TMPO: variants seen among roughly 807,000 people sequenced by gnomAD.
The protein encoded by TMPO is thymopoietin, also known as LEM domain containing 4.
A neutral mutation model predicts 45.4 loss-of-function variants in TMPO; 22 were observed. The ratio of observed to expected loss-of-function variants is 0.48; its 90% confidence interval spans 0.35 to 0.69. The LOEUF (loss-of-function observed/expected upper bound fraction) is 0.69. Among genes scored for constraint, TMPO ranks in the 30% least tolerant of loss-of-function variants. TMPO has a pLI of 0.01. For missense variants in TMPO, 512 were observed against 548.8 expected, an observed-to-expected ratio of 0.93 and a Z score of 0.67; for synonymous variants, 241 against 204.1, an observed-to-expected ratio of 1.18 and a Z score of -1.54.
chr12:98,532,490 ATATTT>A (rs1877261949), intron 3 of TMPO, among the ~76,000 whole-genome samples: 2 of 95,324 alleles, frequency 2.1e-5, no homozygotes, highest in South Asian at 6.1e-4. Flanking sequence ...TATTTTGACT[ATATTT>A]TTAGTAGACT....
intron 4 of TMPO, among the ~76,000 whole-genome samples, chr12:98,540,798 A>G (rs1877871000): frequency 6.6e-6 from 1 of 152,250 alleles, no homozygotes; most frequent in African/African-American, 2.4e-5. Flanking sequence ...TTTCTTTCAC[A>G]AGAATACTTA....
At position 98,531,808 on chromosome 12, in the gene TMPO, G is replaced by A. The variant is rs1188981245; in HGVS notation, c.535G>A (p.Asp179Asn). The stretch of plus-strand genomic sequence containing the variant: ...AAATACAAGGCAGAATGGAAGTAAT[G>A]ATTCTGACAGATACAGTGACAATGA... ...AENTRQNGSN[D>N]SDRYSDNEED... The change falls in exon 3 of 9, where the codon GAT (aspartate) becomes AAT (asparagine). Residue 179 changes from aspartate (D) to asparagine (N), a missense_variant. Coordinates refer to ENST00000556029, the MANE Select transcript of TMPO (RefSeq NM_001032283.3). 2.5e-6 allele frequency: 4 copies of A among 1,613,690 alleles called. No individual in the cohort carries two copies. The highest frequency in any genetic ancestry group is 3.4e-6 in the Non-Finnish European group (4 of 1,179,826).
intron 1 of TMPO, 131 bp downstream of exon 1, chr12:98,516,277 C>G (rs1875807061): frequency 8.0e-7 from 1 of 1,247,856 alleles, no homozygotes; most frequent in Non-Finnish European, 1.0e-6. Flanking sequence ...CCTGCGCCCC[C>G]TCGCGTCGCC....
intron 2 of TMPO, among the ~76,000 whole-genome samples, chr12:98,531,395 C>T (rs1235932469): frequency 6.6e-6 from 1 of 151,804 alleles, no homozygotes; most frequent in Admixed American, 6.6e-5. Context: ...TGCCACCATG[C>T]CCGGCTAATT....
At chr12:98,540,931 T>C (rs1012988113) in intron 4 of TMPO, among the ~76,000 whole-genome samples, 1 of 152,226 alleles carries the variant, frequency 6.6e-6, no homozygotes, top group East Asian at 1.9e-4. Context: ...AAGATCCACA[T>C]TGTCCTTTCA....
In TMPO at chr12:98,549,389, T is replaced by G. The variant is rs1878404203; in HGVS notation, c.*1531T>G. 1 of 152,166 alleles carries G rather than the reference T, an allele frequency of 6.6e-6. No individual in the cohort carries two copies. The highest frequency in any genetic ancestry group is 6.5e-5 in the Admixed American group (1 of 15,272). The allele number at this position is 152,166 out of a possible 1,614,324, so 9.4% of individuals were successfully genotyped here. A position where few individuals can be genotyped will look rare whatever the true frequency, so the allele number is the denominator to read the frequency against. On this transcript the variant is annotated 3_prime_UTR_variant, in exon 9 of 9. Coordinates refer to ENST00000556029, the MANE Select transcript of TMPO (RefSeq NM_001032283.3). Reference sequence around the variant, plus strand: ...GTTGGCCAGGCTGGTCTCGAACCCCTGACCTCAAGTGATCAGCCCACCTCA... The same window carrying G: ...GTTGGCCAGGCTGGTCTCGAACCCCGGACCTCAAGTGATCAGCCCACCTCA...
chr12:98,537,724 G>C, intron 4 of TMPO, 152 bp downstream of exon 4: 1 of 756,534 alleles, frequency 1.3e-6, no homozygotes, highest in Non-Finnish European at 2.3e-6. Context: ...TCTAAACTTT[G>C]TGGGTTTTGT....
At chr12:98,524,851 C>T (rs563106274) in intron 1 of TMPO, among the ~76,000 whole-genome samples, 10 of 152,292 alleles carry the variant, frequency 6.6e-5, no homozygotes, top group Non-Finnish European at 5.9e-5. Context: ...ACCTTGGTCT[C>T]CCAAAGTGCT....
At chr12:98,537,418 ACAT>A in intron 3 of TMPO, 54 bp from the exon 4 acceptor site, 6 of 1,402,220 alleles carry the variant, frequency 4.3e-6, no homozygotes, top group South Asian at 3.6e-5. Context: ...TATTAGGATA[ACAT>A]CATCATTTAT....
At chr12:98,532,671 C>A in intron 3 of TMPO, 1 of 1,015,678 alleles carries the variant, frequency 9.8e-7, no homozygotes, top group Non-Finnish European at 1.4e-6. Flanking sequence ...TCTCAATAAG[C>A]TTTGTCTACC....
intron 3 of TMPO, chr12:98,532,988 T>G: frequency 1.9e-6 from 3 of 1,614,134 alleles, no homozygotes; most frequent in Non-Finnish European, 2.5e-6. Flanking sequence ...GCTAAGAAAG[T>G]ACATACTTCT....
intron 1 of TMPO, chr12:98,516,348 C>A: frequency 8.2e-7 from 1 of 1,220,360 alleles, no homozygotes; most frequent in Non-Finnish European, 1.0e-6. Flanking sequence ...CCGCGGGGTT[C>A]GCGTTCTTTG....
chr12:98,547,568 A>G lies in TMPO; in HGVS notation c.1080-5A>G, dbSNP rs751185372. The G allele has an allele frequency of 3.6e-5, 58 of 1,613,956 alleles. No homozygotes were observed. In the South Asian group the frequency reaches 6.3e-4, roughly 17 times the overall value. ...TTTTTCTTTTCCTCCTTTCACTCCC[A>G]ACAGTGCTAGTTGCCGCAGACCAAT... is the stretch of plus-strand genomic sequence containing the variant. On this transcript the variant is annotated splice_region_variant and splice_polypyrimidine_tract_variant and intron_variant, in intron 8 of 8. Coordinates refer to ENST00000556029, the MANE Select transcript of TMPO (RefSeq NM_001032283.3).
At chr12:98,531,337 A>C (rs1877177184) in intron 2 of TMPO, among the ~76,000 whole-genome samples, 1 of 148,124 alleles carries the variant, frequency 6.8e-6, no homozygotes. Flanking sequence ...TCCAATTTCA[A>C]GTGATTCTCC....
chr12:98,517,384 C>T (rs931966201), intron 1 of TMPO, among the ~76,000 whole-genome samples: 3 of 152,152 alleles, frequency 2.0e-5, no homozygotes, highest in Admixed American at 6.5e-5. Context: ...TACCAGGCTT[C>T]AAATCGTAAT....
Position 98,544,463 on chromosome 12 carries a change from C to T in TMPO, c.805C>T (p.Arg269Cys), listed in dbSNP as rs1490180210. The change falls in exon 6 of 9, where the codon CGT becomes TGT. Residue 269 changes from arginine to cysteine, a missense_variant. Arg to Cys is a radical substitution (Grantham distance 180). Around this residue, in one of 3 missense-constraint regions of TMPO, gnomAD observed 209 missense variants for 235.1 expected, o/e 0.89. Transcript: ENST00000556029. ...ACAGGTGGAAACTTCAGAACATTTT[C>T]GTATAGATGGTCCAGTAATTTCAGA... ...RKRVETSEHF[R>C]IDGPVISEST... The T allele has an allele frequency of 3.1e-6, 5 of 1,613,668 alleles. No individual in the cohort carries two copies. The African/African-American group carries it at 4.0e-5, about 13-fold the overall frequency.
chr12:98,533,459 C>A, intron 3 of TMPO: 1 of 1,614,088 alleles, frequency 6.2e-7, no homozygotes, highest in Non-Finnish European at 8.5e-7. Flanking sequence ...AACTCTATGC[C>A]CCCACTGGAT....
intron 2 of TMPO, 100 bp from the exon 3 acceptor site, chr12:98,531,579 AT>A: frequency 2.4e-6 from 3 of 1,276,294 alleles, no homozygotes; most frequent in African/African-American, 3.0e-5. Context: ...GTTTAGAAAA[AT>A]AAAGGGTGAA....
intron 3 of TMPO, among the ~76,000 whole-genome samples, chr12:98,535,845 A>G (rs1877533200): frequency 1.3e-5 from 2 of 152,176 alleles, no homozygotes; most frequent in Non-Finnish European, 1.5e-5. Context: ...CTAAATTTAT[A>G]AGAGGAATTA....
Sources: allele counts gnomAD v4.1 joint callset (sites outside exome capture counted in the v4.1 genomes callset), GRCh38; gene constraint gnomAD v4.1.1; regional missense constraint gnomAD v4.1.1; transcripts MANE v1.5; gene names NCBI Gene and HGNC (gene_info 2026-07-23, HGNC 2026-07-21).